Variants in ADAM22 observed in about 807,000 individuals in gnomAD.
ADAM22 encodes the protein ADAM metallopeptidase domain 22.
Under a neutral mutation model 144.6 loss-of-function variants are expected in ADAM22, and 65 were observed. That is an observed-to-expected ratio of 0.45 (90% CI 0.37 to 0.55). ADAM22 has a LOEUF of 0.55. Ranked by LOEUF, ADAM22 falls within the 20% of genes least tolerant of loss-of-function variation. The pLI is 0.00. For missense variants in ADAM22, 974 were observed against 1,184.9 expected, an observed-to-expected ratio of 0.82 and a Z score of 2.61; for synonymous variants, 391 against 412.6, an observed-to-expected ratio of 0.95 and a Z score of 0.63.
chr7:88,077,991 A>T (rs1815158037), intron 4 of ADAM22, among the ~76,000 whole-genome samples: 1 of 152,230 alleles, frequency 6.6e-6, no homozygotes. Flanking sequence ...CTTTGAAGAC[A>T]GTAGTGGTTC....
intron 2 of ADAM22, among the ~76,000 whole-genome samples, chr7:87,945,025 T>A (rs1472671561): frequency 1.3e-5 from 2 of 151,664 alleles, no homozygotes; most frequent in Non-Finnish European, 2.9e-5. Flanking sequence ...TTTGTAAAGG[T>A]CTGCAGGCTA....
intron 3 of ADAM22, among the ~76,000 whole-genome samples, chr7:87,984,448 T>C (rs889667910): frequency 6.6e-6 from 1 of 152,166 alleles, no homozygotes; most frequent in Non-Finnish European, 1.5e-5. Flanking sequence ...AAATCTTTGA[T>C]AAATAATTTT....
intron 3 of ADAM22, among the ~76,000 whole-genome samples, chr7:88,051,251 T>C (rs1486195439): frequency 2.0e-5 from 3 of 152,160 alleles, no homozygotes; most frequent in Non-Finnish European, 2.9e-5. Context: ...CACATGCACA[T>C]GTATGTTTAT....
intron 3 of ADAM22, among the ~76,000 whole-genome samples, chr7:88,041,374 C>T (rs574285251): frequency 2.8e-4 from 42 of 151,796 alleles, no homozygotes; most frequent in African/African-American, 1.0e-3. Context: ...TAGATGGTGC[C>T]AATGGAATGC....
intron 3 of ADAM22, among the ~76,000 whole-genome samples, chr7:87,986,666 C>G (rs1263941575): frequency 6.6e-6 from 1 of 152,112 alleles, no homozygotes; most frequent in Admixed American, 6.6e-5. Flanking sequence ...GTAACACCTT[C>G]ATGTTACTGG....
At chr7:88,122,630 G>A (rs550960518) in intron 7 of ADAM22, among the ~76,000 whole-genome samples, 1 of 152,246 alleles carries the variant, frequency 6.6e-6, no homozygotes, top group East Asian at 1.9e-4. Flanking sequence ...GGGTTTTTGG[G>A]TGTAATTTCT....
intron 2 of ADAM22, among the ~76,000 whole-genome samples, chr7:87,955,929 G>A (rs1281587689): frequency 6.6e-6 from 1 of 152,230 alleles, no homozygotes; most frequent in East Asian, 1.9e-4. Context: ...GACCCTCTGA[G>A]CCAGGTGCGG....
chr7:87,946,250 G>A (rs1272216515), intron 2 of ADAM22, among the ~76,000 whole-genome samples: 1 of 152,060 alleles, frequency 6.6e-6, no homozygotes, highest in Admixed American at 6.6e-5. Flanking sequence ...GTTGAATTAA[G>A]TTCCTTATAG....
chr7:88,009,003 T>G lies in ADAM22; in HGVS notation c.323+30591T>G, dbSNP rs2108088. The stretch of plus-strand genomic sequence containing the variant: ...TCCAGTTAGCATGGTTGTTTCAAAT[T>G]TATTTTCAATTATTGATAGTTCAGA... On this transcript the variant is annotated intron_variant, in intron 3 of 31. Coordinates refer to ENST00000413139, the MANE Select transcript of ADAM22 (RefSeq NM_001324418.2). Among the ~76,000 whole-genome samples, 1,239 of 152,276 alleles carry G rather than the reference T, an allele frequency of 8.1e-3. 6 individuals are homozygous for G. The highest frequency in any genetic ancestry group is 0.037 in the Middle Eastern group (11 of 294).
At chr7:88,079,126 C>G (rs1815656736) in intron 4 of ADAM22, among the ~76,000 whole-genome samples, 1 of 152,156 alleles carries the variant, frequency 6.6e-6, no homozygotes, top group Non-Finnish European at 1.5e-5. Context: ...AAGGGAAGCC[C>G]ATCAGACTAA....
At chr7:88,088,969 T>C (rs187132097) in intron 4 of ADAM22, among the ~76,000 whole-genome samples, 3 of 152,156 alleles carry the variant, frequency 2.0e-5, no homozygotes, top group Admixed American at 2.0e-4. Flanking sequence ...TTAATGACAG[T>C]ACTTATACTT....
intron 3 of ADAM22, among the ~76,000 whole-genome samples, chr7:88,067,383 C>A (rs1811529520): frequency 6.6e-6 from 1 of 151,886 alleles, no homozygotes; most frequent in South Asian, 2.1e-4. Context: ...TCTCCTAATG[C>A]TAACCCTCCC....
At chr7:88,030,659 G>A (rs976178199) in intron 3 of ADAM22, among the ~76,000 whole-genome samples, 1 of 152,024 alleles carries the variant, frequency 6.6e-6, no homozygotes. Context: ...ATGAGATCTC[G>A]TTGTTTGAAA....
intron 2 of ADAM22, among the ~76,000 whole-genome samples, chr7:87,972,111 G>A (rs984255005): frequency 1.3e-5 from 2 of 152,024 alleles, no homozygotes; most frequent in Non-Finnish European, 1.5e-5. Context: ...GGAAATAAAG[G>A]GTATTCAATT....
intron 22 of ADAM22, among the ~76,000 whole-genome samples, chr7:88,161,081 T>A (rs575648348): frequency 1.3e-5 from 2 of 152,086 alleles, no homozygotes; most frequent in South Asian, 4.1e-4. Flanking sequence ...CTGCACGTTG[T>A]GCACATGTAC....
intron 3 of ADAM22, among the ~76,000 whole-genome samples, chr7:88,065,052 T>C (rs12671587): frequency 0.37 from 56,474 of 151,974 alleles, 11,649 homozygotes; most frequent in South Asian, 0.61. Flanking sequence ...TTTAATACTT[T>C]TCTTGAGAAA....
chr7:88,189,384 C>T (rs1458940815), intron 30 of ADAM22, among the ~76,000 whole-genome samples: 2 of 152,142 alleles, frequency 1.3e-5, no homozygotes, highest in African/African-American at 2.4e-5. Flanking sequence ...TGAAAAGAAA[C>T]GAATAATTAC....
chr7:88,077,819 C>A (rs1018605765), intron 4 of ADAM22, among the ~76,000 whole-genome samples: 11 of 152,192 alleles, frequency 7.2e-5, no homozygotes, highest in Non-Finnish European at 1.5e-4. Context: ...ATTGCCCAGG[C>A]TTCAGTAGGT....
intron 22 of ADAM22, among the ~76,000 whole-genome samples, chr7:88,162,001 C>T (rs1297651094): frequency 6.6e-6 from 1 of 151,860 alleles, no homozygotes; most frequent in East Asian, 1.9e-4. Context: ...AAGACACAGG[C>T]ACACGTATGT....
Sources: allele counts gnomAD v4.1 joint callset (sites outside exome capture counted in the v4.1 genomes callset), GRCh38; gene constraint gnomAD v4.1.1; transcripts MANE v1.5; gene names NCBI Gene and HGNC (gene_info 2026-07-23, HGNC 2026-07-21).